Variants in ZNF250 observed in about 807,000 individuals in gnomAD.
The protein encoded by ZNF250 is zinc finger protein (clone 647).
In ZNF250, 13 loss-of-function variants were observed where a neutral mutation model predicts 37.1. That is an observed-to-expected ratio of 0.35 (90% CI 0.23 to 0.56). The LOEUF (loss-of-function observed/expected upper bound fraction) is 0.56, where lower values mean the gene tolerates loss of function less well. ZNF250 is among the 20% of genes least tolerant of loss of function. The pLI is 0.87. For missense variants in ZNF250, 474 were observed against 697.9 expected (o/e 0.68, Z 3.61); for synonymous variants, 251 against 265.6 (o/e 0.94, Z 0.54).
chr8:144,884,061 T>C (rs1326968850), intron 5 of ZNF250, among the ~76,000 whole-genome samples: 1 of 152,140 alleles, frequency 6.6e-6, no homozygotes, highest in Admixed American at 6.5e-5. Flanking sequence ...TATTATATTT[T>C]ATTTTACTTA....
intron 1 of ZNF250, among the ~76,000 whole-genome samples, chr8:144,899,162 T>C (rs573643221): frequency 3.6e-4 from 55 of 152,020 alleles, no homozygotes; most frequent in Admixed American, 9.8e-4. Context: ...CACTCGTATG[T>C]GTGAGTTAAA....
At chr8:144,887,862 T>C (rs916423581) in intron 4 of ZNF250, among the ~76,000 whole-genome samples, 3 of 152,210 alleles carry the variant, frequency 2.0e-5, no homozygotes, top group Admixed American at 6.5e-5. Context: ...CCTCTGAGGA[T>C]ATCTGATTTT....
Position 144,897,047 on chromosome 8 carries a change from C to G in ZNF250, c.-55+4352G>C, listed in dbSNP as rs1832771531. On this transcript the variant is annotated intron_variant, in intron 1 of 5. Coordinates refer to ENST00000417550, the MANE Select transcript of ZNF250 (RefSeq NM_001109689.4). The surrounding 1 kb of genome is among the most constrained non-coding windows in gnomAD (Gnocchi z 5.2). The stretch of plus-strand genomic sequence containing the variant: ...GGCTTTCCAGTTTTCTTTAGGTGAT[C>G]AAAAGCCACATCGCAGTGAGACATT... Among the ~76,000 whole-genome samples, 1 of 152,242 alleles carries G rather than the reference C, an allele frequency of 6.6e-6. No homozygotes were observed. Among genetic ancestry groups the G allele is most frequent in the Non-Finnish European group, 1.5e-5 (1 of 68,040 alleles).
intron 4 of ZNF250, among the ~76,000 whole-genome samples, chr8:144,889,363 A>T (rs1379657417): frequency 6.6e-6 from 1 of 152,178 alleles, no homozygotes; most frequent in Non-Finnish European, 1.5e-5. Context: ...TCTGCACATC[A>T]GCTTGTTGAA....
Position 144,889,565 on chromosome 8 carries a change from A to G in ZNF250, c.283+16T>C, listed in dbSNP as rs561179356. 2.5e-6 allele frequency: 4 copies of G among 1,595,748 alleles called. No individual in the cohort carries two copies. Among genetic ancestry groups the G allele is most frequent in the East Asian group, 2.2e-5 (1 of 44,764 alleles). ...TTTAGCCCTCAGTGAGGGAGGGGCCAGCTCTCCTCACTCACCTGAGTAGTC... is the reference window on the plus strand; with the variant it reads ...TTTAGCCCTCAGTGAGGGAGGGGCCGGCTCTCCTCACTCACCTGAGTAGTC... On this transcript the variant is annotated intron_variant, in intron 4 of 5. Transcript: ENST00000417550.
At chr8:144,893,893 G>A (rs957144526) in intron 1 of ZNF250, among the ~76,000 whole-genome samples, 1 of 152,124 alleles carries the variant, frequency 6.6e-6, no homozygotes, top group African/African-American at 2.4e-5. Context: ...ATGCACCTCA[G>A]TACTCCCTGG....
At chr8:144,900,015 C>T (rs998883269) in intron 1 of ZNF250, among the ~76,000 whole-genome samples, 1 of 152,152 alleles carries the variant, frequency 6.6e-6, no homozygotes, top group East Asian at 1.9e-4. Context: ...GAATCAAACA[C>T]CATAATCAGA....
Position 144,881,873 on chromosome 8 carries a change from T to C in ZNF250, c.1310A>G (p.Gln437Arg). Residue 437 changes from glutamine to arginine, a missense_variant, in exon 6 of 6, where the codon CAG (glutamine) becomes CGG (arginine). Physicochemically the swap from Gln to Arg is conservative, Grantham distance 43 (BLOSUM62 1). Coordinates refer to ENST00000417550, the MANE Select transcript of ZNF250 (RefSeq NM_001109689.4). ...FVQHSHLIQH[Q>R]RVHTGEKPYV... ...GGGCTTCTCCCCAGTGTGGACTCTC[T>C]GGTGCTGGATCAGGTGTGAGTGCTG... The C allele has an allele frequency of 6.2e-7, 1 of 1,614,204 alleles. No homozygotes were observed. Among genetic ancestry groups the C allele is most frequent in the Non-Finnish European group, 8.5e-7 (1 of 1,180,034 alleles).
In ZNF250 at chr8:144,890,371, C is replaced by G. The variant is rs776610437; in HGVS notation, c.-22G>C. The G allele has an allele frequency of 1.4e-6, 2 of 1,462,994 alleles. No individual in the cohort carries two copies. Among genetic ancestry groups the G allele is most frequent in the Admixed American group, 2.5e-5 (1 of 40,742 alleles). 90.6% of individuals were successfully genotyped at this position (1,462,994 alleles called of 1,614,324 possible). A position where few individuals can be genotyped will look rare whatever the true frequency, so the allele number is the denominator to read the frequency against. ...CCATCACCTGGTCTCCTGGGGACTC[C>G]GAGGATCACGGAAATTGAAGGAGCC... On this transcript the variant is annotated 5_prime_UTR_variant, in exon 2 of 6. Transcript: ENST00000417550. This position sits in a 1 kb window ranked among gnomAD's most constrained non-coding sequence, Gnocchi z 5.1.
chr8:144,882,064 G>A lies in ZNF250; in HGVS notation c.1119C>T (p.Asp373=). 6.2e-7 allele frequency: 1 copy of A among 1,611,700 alleles called. No individual in the cohort carries two copies. The highest frequency in any genetic ancestry group is 1.3e-5 in the African/African-American group (1 of 74,192). The change falls in exon 6 of 6, where the codon GAC becomes GAT. Residue 373 remains aspartate (D), a synonymous_variant. Coordinates refer to ENST00000417550, the MANE Select transcript of ZNF250 (RefSeq NM_001109689.4). The surrounding 1 kb of genome is among the most constrained non-coding windows in gnomAD (Gnocchi z 5.5). ...TGTGGTGCTGAATGAGGACTGAGCG[G>A]TCGCTGAAGGCCTTCCCACACTCGC... The part of the protein sequence containing the change: ...TCSECGKAFS[D]RSVLIQHHNV...
intron 5 of ZNF250, among the ~76,000 whole-genome samples, chr8:144,883,086 T>G (rs1048425589): frequency 1.3e-5 from 2 of 152,242 alleles, no homozygotes; most frequent in Non-Finnish European, 2.9e-5. Flanking sequence ...GTCACACCCC[T>G]GTGTGGAGTC....
intron 1 of ZNF250, among the ~76,000 whole-genome samples, chr8:144,893,375 G>A (rs1483198077): frequency 6.6e-6 from 1 of 152,128 alleles, no homozygotes; most frequent in Non-Finnish European, 1.5e-5. Flanking sequence ...CTGTCACCCA[G>A]GCTGGAGTGC....
In ZNF250 at chr8:144,890,475, T is replaced by C. The variant is rs1832254807; in HGVS notation, c.-54-72A>G. 3 of 875,232 alleles carry C rather than the reference T, an allele frequency of 3.4e-6. No homozygotes were observed. The highest frequency in any genetic ancestry group is 4.9e-6 in the Non-Finnish European group (3 of 610,880). 54.2% of individuals were successfully genotyped at this position (875,232 alleles called of 1,614,324 possible). A position where few individuals can be genotyped will look rare whatever the true frequency, so the allele number is the denominator to read the frequency against. On this transcript the variant is annotated intron_variant, in intron 1 of 5. Coordinates refer to ENST00000417550, the MANE Select transcript of ZNF250 (RefSeq NM_001109689.4). The surrounding 1 kb of genome is among the most constrained non-coding windows in gnomAD (Gnocchi z 5.1). ...AACTTCCTAGGGGGCCCTCAGGGGATCCCTGGGCCTCATTCAGAGTCACTG... is the reference window on the plus strand; with the variant it reads ...AACTTCCTAGGGGGCCCTCAGGGGACCCCTGGGCCTCATTCAGAGTCACTG...
intron 5 of ZNF250, among the ~76,000 whole-genome samples, chr8:144,885,036 G>C (rs1831767843): frequency 6.6e-6 from 1 of 152,048 alleles, no homozygotes; most frequent in African/African-American, 2.4e-5. Context: ...CTATTCAGAG[G>C]AATTTATTAA....
chr8:144,891,180 G>A lies in ZNF250; in HGVS notation c.-54-777C>T, dbSNP rs540818072. Reference sequence around the variant, plus strand: ...TTCCTGACACATTTGGTCCTGTACAGGATAGGGTTCGCAGTCTTCTGGAGC... The same window carrying A: ...TTCCTGACACATTTGGTCCTGTACAAGATAGGGTTCGCAGTCTTCTGGAGC... On this transcript the variant is annotated intron_variant, in intron 1 of 5. Transcript: ENST00000417550. This position sits in a 1 kb window ranked among gnomAD's most constrained non-coding sequence, Gnocchi z 4.0. 6.6e-6 allele frequency among the ~76,000 whole-genome samples: 1 copy of A among 152,316 alleles called. No homozygotes were observed. The highest frequency in any genetic ancestry group is 1.9e-4 in the East Asian group (1 of 5,188).
At chr8:144,901,993 C>A (rs1166471617), upstream of ZNF250, 1 of 152,408 alleles carries the variant, frequency 6.6e-6, no homozygotes, top group African/African-American at 2.4e-5. The surrounding 1 kb of genome is among the most constrained non-coding windows in gnomAD (Gnocchi z 5.4). Flanking sequence ...CTTTCTCTTC[C>A]TTCGTTGCAA....
Position 144,881,206 on chromosome 8 carries a change from T to C in ZNF250, c.*309A>G, listed in dbSNP as rs1831442725. 8.1e-6 allele frequency: 2 copies of C among 246,178 alleles called. No homozygotes were observed. Among genetic ancestry groups the C allele is most frequent in the Non-Finnish European group, 7.8e-6 (1 of 128,084 alleles). The allele number at this position is 246,178 out of a possible 1,614,324, so 15.2% of individuals were successfully genotyped here. A position where few individuals can be genotyped will look rare whatever the true frequency, so the allele number is the denominator to read the frequency against. On this transcript the variant is annotated 3_prime_UTR_variant, in exon 6 of 6. Coordinates refer to ENST00000417550, the MANE Select transcript of ZNF250 (RefSeq NM_001109689.4). Reference sequence around the variant, plus strand: ...GATTTTATTGGGATAATGGTTCTTATGCCTTAAATTCCCTTAGTTCAAATA... The same window carrying C: ...GATTTTATTGGGATAATGGTTCTTACGCCTTAAATTCCCTTAGTTCAAATA...
At chr8:144,894,004 G>A (rs1832535388) in intron 1 of ZNF250, among the ~76,000 whole-genome samples, 1 of 151,968 alleles carries the variant, frequency 6.6e-6, no homozygotes, top group African/African-American at 2.4e-5. Context: ...AGCTCTTTTG[G>A]TACACTTGAG....
At chr8:144,886,789 T>C (rs1291169948) in intron 5 of ZNF250, 51 bp downstream of exon 5, 2 of 1,549,566 alleles carry the variant, frequency 1.3e-6, no homozygotes, top group Non-Finnish European at 1.8e-6. Flanking sequence ...AACATTAGTG[T>C]TAACACCTTC....
Sources: allele counts gnomAD v4.1 joint callset (sites outside exome capture counted in the v4.1 genomes callset), GRCh38; gene constraint gnomAD v4.1.1; non-coding constraint Gnocchi (gnomAD v3.1); transcripts MANE v1.5; gene names NCBI Gene and HGNC (gene_info 2026-07-23, HGNC 2026-07-21).